Variants in PARD3B observed in about 807,000 individuals in gnomAD.
The protein encoded by PARD3B is par-3 family cell polarity regulator beta.
PARD3B carries 103 observed loss-of-function variants against 130.2 expected under a neutral mutation model. That is an observed-to-expected ratio of 0.79 (90% CI 0.67 to 0.93). PARD3B has a LOEUF of 0.93. Ranked by LOEUF, PARD3B falls within the 40% of genes least tolerant of loss-of-function variation. PARD3B has a pLI of 0.00. For synonymous variants in PARD3B, 583 were observed against 553.2 expected, an observed-to-expected ratio of 1.05 and a Z score of -0.76; for missense variants, 1,609 against 1,499.2, an observed-to-expected ratio of 1.07 and a Z score of -1.21.
At chr2:204,830,804 G>A (rs927046670) in intron 2 of PARD3B, among the ~76,000 whole-genome samples, 1 of 152,178 alleles carries the variant, frequency 6.6e-6, no homozygotes, top group African/African-American at 2.4e-5. Context: ...TGGGTACTCT[G>A]TAGTTAGAGA....
chr2:204,643,136 A>AAAAAAAAAAAAAAAAAAAAT (rs1559202402), intron 1 of PARD3B, among the ~76,000 whole-genome samples: 2 of 145,310 alleles, frequency 1.4e-5, no homozygotes, highest in Admixed American at 6.9e-5. Context: ...AAAAAAAAAA[A>AAAAAAAAAAAAAAAAAAAAT]TGTTTGGCAC....
chr2:204,871,984 A>G (rs1012222533), intron 2 of PARD3B, among the ~76,000 whole-genome samples: 9 of 152,112 alleles, frequency 5.9e-5, no homozygotes, highest in African/African-American at 2.2e-4. Flanking sequence ...TTTAATTATC[A>G]TTTACTACTG....
At position 205,461,674 on chromosome 2, in the gene PARD3B, C is replaced by T. The variant is rs2048459679; in HGVS notation, c.3044+21002C>T. Among the ~76,000 whole-genome samples the T allele has an allele frequency of 6.6e-6, 1 of 152,190 alleles. No homozygotes were observed. Among genetic ancestry groups the T allele is most frequent in the Non-Finnish European group, 1.5e-5 (1 of 68,026 alleles). ...ATTGTTCTCAAATTTGAGCACGCAT[C>T]AGAATCACCTGGAGAACTTGTTAAA... On this transcript the variant is annotated intron_variant, in intron 20 of 22. Transcript: ENST00000406610. The surrounding 1 kb of genome is among the most constrained non-coding windows in gnomAD (Gnocchi z 4.3).
intron 21 of PARD3B, among the ~76,000 whole-genome samples, chr2:205,542,310 GT>G (rs888386599): frequency 6.6e-6 from 1 of 150,504 alleles, no homozygotes; most frequent in African/African-American, 2.4e-5. Flanking sequence ...AAGAGGCTGA[GT>G]TTTTTTTCTC....
intron 16 of PARD3B, among the ~76,000 whole-genome samples, chr2:205,257,097 AAC>A: frequency 6.6e-6 from 1 of 152,288 alleles, no homozygotes; most frequent in East Asian, 1.9e-4. Context: ...ATCCAATAAA[AAC>A]AGACTTATAA....
rs2053241717 is a variant in PARD3B, at chr2:205,564,264, C to G, written c.3260+10861C>G. On this transcript the variant is annotated intron_variant, in intron 22 of 22. Transcript: ENST00000406610. The surrounding 1 kb of genome is among the most constrained non-coding windows in gnomAD (Gnocchi z 4.6). The stretch of plus-strand genomic sequence containing the variant: ...GTGACCATCCTTTCCTGAGGCAGCC[C>G]TCACTGCTCTGATCCCACCCTAAAT... Among the ~76,000 whole-genome samples, 1 of 152,156 alleles carries G rather than the reference C, an allele frequency of 6.6e-6. No individual in the cohort carries two copies. Among genetic ancestry groups the G allele is most frequent in the Admixed American group, 6.5e-5 (1 of 15,278 alleles).
intron 2 of PARD3B, among the ~76,000 whole-genome samples, chr2:204,899,186 T>G (rs2046756697): frequency 7.6e-6 from 1 of 131,308 alleles, no homozygotes; most frequent in South Asian, 2.8e-4. Flanking sequence ...TCTTCTCTTC[T>G]CCCTTCCCTC....
intron 1 of PARD3B, among the ~76,000 whole-genome samples, chr2:204,680,899 T>C (rs1004571081): frequency 6.6e-6 from 1 of 152,146 alleles, no homozygotes; most frequent in Non-Finnish European, 1.5e-5. Context: ...TTATAAAGTA[T>C]GTTCTAATCT....
At position 204,612,311 on chromosome 2, in the gene PARD3B, C is replaced by T. The variant is rs548076862; in HGVS notation, c.120+66192C>T. 2.0e-5 allele frequency among the ~76,000 whole-genome samples: 3 copies of T among 152,270 alleles called. No homozygotes were observed. The East Asian group carries it at 5.8e-4, about 29-fold the overall frequency. On this transcript the variant is annotated intron_variant, in intron 1 of 22. Transcript: ENST00000406610. ...TTTGCAGTTTGGCCTGATTTTTAAG[C>T]AACAGGAACAACAACAAACCATATA...
At position 205,492,375 on chromosome 2, in the gene PARD3B, C is replaced by A. The variant is rs895362986; in HGVS notation, c.3045-7521C>A. ...ATAGGCAATTATAGTAAACAAAGAC[C>A]CCTTAATTTAGAGTAGAGTAATTGT... On this transcript the variant is annotated intron_variant, in intron 20 of 22. Coordinates refer to ENST00000406610, the MANE Select transcript of PARD3B (RefSeq NM_001302769.2). Among the ~76,000 whole-genome samples, 24 of 151,988 alleles carry A rather than the reference C, an allele frequency of 1.6e-4. 1 individual carries two copies. The highest frequency in any genetic ancestry group is 6.3e-4 in the South Asian group (3 of 4,798).
intron 2 of PARD3B, among the ~76,000 whole-genome samples, chr2:204,904,696 A>G (rs1462861530): frequency 1.3e-5 from 2 of 152,100 alleles, no homozygotes; most frequent in Non-Finnish European, 2.9e-5. Flanking sequence ...GAAATTCTGA[A>G]CTATCCATGA....
At chr2:204,948,696 G>A (rs1389138189) in intron 2 of PARD3B, among the ~76,000 whole-genome samples, 4 of 152,178 alleles carry the variant, frequency 2.6e-5, no homozygotes, top group Non-Finnish European at 5.9e-5. Context: ...ACCATTGGTT[G>A]TCCGCACTCA....
intron 18 of PARD3B, among the ~76,000 whole-genome samples, chr2:205,399,455 A>C (rs1337160904): frequency 2.0e-5 from 3 of 151,444 alleles, no homozygotes; most frequent in African/African-American, 7.3e-5. Flanking sequence ...CCTGTGTTCA[A>C]GTGATTCTCC....
chr2:204,891,677 T>C (rs2046451533), intron 2 of PARD3B, among the ~76,000 whole-genome samples: 2 of 152,202 alleles, frequency 1.3e-5, no homozygotes, highest in Non-Finnish European at 2.9e-5. Context: ...CTCTGAACTC[T>C]TGTCTCTTCC....
Position 205,550,562 on chromosome 2 carries a change from C to T in PARD3B, c.3181-2762C>T, listed in dbSNP as rs1011410652. On this transcript the variant is annotated intron_variant, in intron 21 of 22. Transcript: ENST00000406610. This position sits in a 1 kb window ranked among gnomAD's most constrained non-coding sequence, Gnocchi z 4.5. ...GAAGTTTTTCCTGACACCTCCAGGC[C>T]TCACCTGTGCTACTGCTGATAACAT... Among the ~76,000 whole-genome samples the T allele has an allele frequency of 6.6e-6, 1 of 152,126 alleles. No homozygotes were observed. The highest frequency in any genetic ancestry group is 2.4e-5 in the African/African-American group (1 of 41,432).
At chr2:205,115,451 G>A (rs577324746) in intron 6 of PARD3B, among the ~76,000 whole-genome samples, 12 of 152,166 alleles carry the variant, frequency 7.9e-5, no homozygotes, top group Non-Finnish European at 1.8e-4. Context: ...ATGTATGAAC[G>A]TGTAAATCAT....
In PARD3B at chr2:205,293,064, CT is replaced by C. The variant is rs1024831500; in HGVS notation, c.2186-7458del. Among the ~76,000 whole-genome samples the C allele has an allele frequency of 9.1e-4, 138 of 151,648 alleles. 1 individual carries two copies. The highest frequency in any genetic ancestry group is 3.2e-3 in the African/African-American group (133 of 41,342). On this transcript the variant is annotated intron_variant, in intron 16 of 22. Coordinates refer to ENST00000406610, the MANE Select transcript of PARD3B (RefSeq NM_001302769.2). ...CTCAGTTATTGAGAATTGAAATGCT[CT>C]TTTTTTTCAAGTACAATCGGATAGA...
At chr2:204,988,700 T>C (rs1166300246) in intron 3 of PARD3B, among the ~76,000 whole-genome samples, 1 of 152,174 alleles carries the variant, frequency 6.6e-6, no homozygotes, top group East Asian at 1.9e-4. Context: ...AGAACTTTGT[T>C]CAAAAATTTT....
At chr2:205,581,707 A>G (rs2106571643) in intron 22 of PARD3B, among the ~76,000 whole-genome samples, 1 of 152,136 alleles carries the variant, frequency 6.6e-6, no homozygotes, top group Admixed American at 6.6e-5. Flanking sequence ...GTATCCAAAC[A>G]TCACATGTAC....
Sources: allele counts gnomAD v4.1 joint callset (sites outside exome capture counted in the v4.1 genomes callset), GRCh38; gene constraint gnomAD v4.1.1; non-coding constraint Gnocchi (gnomAD v3.1); transcripts MANE v1.5; gene names NCBI Gene and HGNC (gene_info 2026-07-23, HGNC 2026-07-21).